The following SLC30A8 variants were observed in gnomAD, a reference collection of about 807,000 sequenced individuals.
SLC30A8 encodes proton-coupled zinc antiporter SLC30A8.
Under a neutral mutation model 36.9 loss-of-function variants are expected in SLC30A8, and 27 were observed. That is an observed-to-expected ratio of 0.73 (90% CI 0.54 to 1.01). The LOEUF (loss-of-function observed/expected upper bound fraction) is 1.01. Ranked by LOEUF, SLC30A8 falls within the 50% of genes least tolerant of loss-of-function variation. The probability of loss-of-function intolerance (pLI) is 0.00; values close to 1 mark genes in which losing one functional copy is unlikely to be tolerated. For missense variants in SLC30A8, 439 were observed against 452.0 expected, an observed-to-expected ratio of 0.97 and a Z score of 0.26; for synonymous variants, 164 against 172.4, an observed-to-expected ratio of 0.95 and a Z score of 0.38.
chr8:116,969,189 G>A (rs1814700591), intron 1 of SLC30A8, among the ~76,000 whole-genome samples: 2 of 152,096 alleles, frequency 1.3e-5, no homozygotes, highest in African/African-American at 2.4e-5. Context: ...AGGCCGAGGT[G>A]GGCGGATCAT....
chr8:116,954,268 G>C (rs756631537), intron 1 of SLC30A8, among the ~76,000 whole-genome samples: 9 of 152,094 alleles, frequency 5.9e-5, no homozygotes, highest in Non-Finnish European at 1.2e-4. Context: ...TTGGACTATT[G>C]AGTTTGAGGT....
At chr8:117,163,228 G>A (rs994994831) in intron 5 of SLC30A8, among the ~76,000 whole-genome samples, 197 bp from the exon 6 acceptor site, 1 of 152,156 alleles carries the variant, frequency 6.6e-6, no homozygotes, top group African/African-American at 2.4e-5. Context: ...TTCTTTATTT[G>A]CTGGTAGTTT....
chr8:117,035,150 A>G (rs1817173883), intron 1 of SLC30A8, among the ~76,000 whole-genome samples: 1 of 152,194 alleles, frequency 6.6e-6, no homozygotes, highest in Non-Finnish European at 1.5e-5. Flanking sequence ...ATGCCTTCCC[A>G]ATAGTCCCCC....
intron 2 of SLC30A8, among the ~76,000 whole-genome samples, chr8:117,077,280 G>T (rs1818520462): frequency 6.6e-6 from 1 of 152,278 alleles, no homozygotes; most frequent in East Asian, 1.9e-4. Flanking sequence ...CAAAGGGAAA[G>T]CCTTAGATGG....
chr8:117,094,644 G>A (rs371974487), intron 2 of SLC30A8, among the ~76,000 whole-genome samples: 38 of 152,272 alleles, frequency 2.5e-4, no homozygotes, highest in South Asian at 2.5e-3. Context: ...AAAAAGCACC[G>A]CAAGTTCCCA....
intron 2 of SLC30A8, among the ~76,000 whole-genome samples, chr8:117,148,007 A>T (rs1821982633): frequency 6.6e-6 from 1 of 151,902 alleles, no homozygotes; most frequent in Admixed American, 6.6e-5. Context: ...GGAGCTCTTT[A>T]TATATTAGGA....
intron 1 of SLC30A8, among the ~76,000 whole-genome samples, chr8:117,012,684 A>G (rs531945638): frequency 9.0e-5 from 12 of 133,450 alleles, no homozygotes; most frequent in Non-Finnish European, 1.6e-4. Flanking sequence ...GTGTGTGTGC[A>G]TGTGTGTGTG....
At chr8:117,082,244 A>C (rs1818697006) in intron 2 of SLC30A8, among the ~76,000 whole-genome samples, 1 of 152,192 alleles carries the variant, frequency 6.6e-6, no homozygotes, top group African/African-American at 2.4e-5. Context: ...TTTAATTATA[A>C]TTGGTCTAGG....
intron 2 of SLC30A8, among the ~76,000 whole-genome samples, chr8:117,056,989 G>T (rs1205370015): frequency 6.6e-6 from 1 of 152,148 alleles, no homozygotes; most frequent in African/African-American, 2.4e-5. Flanking sequence ...AATCTCACTT[G>T]TATAATGAGG....
At chr8:117,064,615 G>A (rs555755686) in intron 2 of SLC30A8, among the ~76,000 whole-genome samples, 2 of 152,356 alleles carry the variant, frequency 1.3e-5, no homozygotes, top group East Asian at 3.9e-4. Context: ...ACCTGTCACA[G>A]ATTTTATCAT....
At chr8:117,045,324 T>G (rs1817516498) in intron 2 of SLC30A8, among the ~76,000 whole-genome samples, 1 of 152,102 alleles carries the variant, frequency 6.6e-6, no homozygotes. Context: ...AGGCTTCCAT[T>G]TCATCGTTCC....
At chr8:117,006,645 G>A (rs980315968) in intron 1 of SLC30A8, among the ~76,000 whole-genome samples, 1 of 151,980 alleles carries the variant, frequency 6.6e-6, no homozygotes, top group African/African-American at 2.4e-5. Context: ...CGGCTGGTGC[G>A]TCATCAGTCT....
intron 1 of SLC30A8, among the ~76,000 whole-genome samples, chr8:116,963,099 C>A (rs1814483990): frequency 6.6e-6 from 1 of 152,076 alleles, no homozygotes; most frequent in African/African-American, 2.4e-5. Flanking sequence ...TGTAGGAAAT[C>A]TTCAGGCTTG....
intron 7 of SLC30A8, among the ~76,000 whole-genome samples, chr8:117,171,383 G>A (rs1018377599): frequency 6.6e-6 from 1 of 152,118 alleles, no homozygotes. Context: ...TGACTGCAGA[G>A]GGCTGAGGAC....
intron 2 of SLC30A8, among the ~76,000 whole-genome samples, chr8:117,104,557 T>C (rs1478719148): frequency 6.6e-6 from 1 of 152,180 alleles, no homozygotes; most frequent in Non-Finnish European, 1.5e-5. Context: ...ACAGTCCTCC[T>C]TCTTTACTTC....
intron 1 of SLC30A8, among the ~76,000 whole-genome samples, chr8:117,023,489 A>G (rs1816774077): frequency 1.3e-5 from 2 of 152,310 alleles, no homozygotes; most frequent in South Asian, 4.1e-4. Flanking sequence ...CAACAGTGAT[A>G]GACTGGATTA....
chr8:117,024,764 C>T (rs1378767474), intron 1 of SLC30A8, among the ~76,000 whole-genome samples: 3 of 152,032 alleles, frequency 2.0e-5, no homozygotes, highest in Non-Finnish European at 4.4e-5. Context: ...TCTTTTTCTC[C>T]CCTATCAGTG....
chr8:117,153,086 A>G lies in SLC30A8; in HGVS notation c.414A>G (p.Arg138=). The G allele has an allele frequency of 6.2e-7, 1 of 1,607,504 alleles. No homozygotes were observed. The highest frequency in any genetic ancestry group is 8.5e-7 in the Non-Finnish European group (1 of 1,175,838). Residue 138 remains arginine (R), a synonymous_variant, in exon 3 of 8, where the codon CGA becomes CGG. Transcript: ENST00000456015. ...AGCGGCTGACATTTGGATGGCACCG[A>G]GCAGGTACGGTTCATAGAGTGAGCA... is the stretch of plus-strand genomic sequence containing the variant. The part of the protein sequence containing the change: ...PSKRLTFGWH[R]AEILGALLSI...
intron 1 of SLC30A8, among the ~76,000 whole-genome samples, chr8:117,009,023 T>A (rs1009169014): frequency 1.3e-5 from 2 of 152,190 alleles, no homozygotes; most frequent in African/African-American, 4.8e-5. Flanking sequence ...AATGAGATGA[T>A]GTTTGTAAAG....
Sources: allele counts gnomAD v4.1 joint callset (sites outside exome capture counted in the v4.1 genomes callset), GRCh38; gene constraint gnomAD v4.1.1; transcripts MANE v1.5; gene names NCBI Gene and HGNC (gene_info 2026-07-23, HGNC 2026-07-21).